CDK5RAP2: variants seen among roughly 807,000 people sequenced by gnomAD.
CDK5RAP2 encodes the protein CDK5 regulatory subunit-associated protein 2.
In CDK5RAP2, 147 loss-of-function variants were observed where a neutral mutation model predicts 232.9. The ratio of observed to expected loss-of-function variants is 0.63; its 90% CI spans 0.55 to 0.72. The LOEUF is 0.72. CDK5RAP2 is among the 30% of genes least tolerant of loss of function. CDK5RAP2 has a pLI of 0.00. For missense variants in CDK5RAP2, 2,195 were observed against 2,231.5 expected (o/e 0.98, Z 0.33); for synonymous variants, 833 against 833.7 (o/e 1.00, Z 0.01).
At chr9:120,557,262 C>T (rs2042263964) in intron 3 of CDK5RAP2, among the ~76,000 whole-genome samples, 1 of 152,190 alleles carries the variant, frequency 6.6e-6, no homozygotes, top group South Asian at 2.1e-4. Flanking sequence ...ATACCACTAC[C>T]AGGCTGGACT....
At chr9:120,460,900 C>T (rs1186351097) in intron 18 of CDK5RAP2, among the ~76,000 whole-genome samples, 1 of 152,184 alleles carries the variant, frequency 6.6e-6, no homozygotes, top group Admixed American at 6.5e-5. Flanking sequence ...GGACAAATTC[C>T]CCAAGAAAAT....
intron 27 of CDK5RAP2, among the ~76,000 whole-genome samples, chr9:120,419,220 G>A (rs1418744453): frequency 6.6e-6 from 1 of 152,154 alleles, no homozygotes; most frequent in Non-Finnish European, 1.5e-5. Context: ...CTAGCCTTTA[G>A]AACTGTAAGA....
intron 1 of CDK5RAP2, among the ~76,000 whole-genome samples, chr9:120,573,565 T>TA (rs547643481): frequency 4.1e-5 from 6 of 146,000 alleles, no homozygotes; most frequent in African/African-American, 7.6e-5. Flanking sequence ...AAAAAAAATT[T>TA]AAAAAAAAAA....
intron 12 of CDK5RAP2, among the ~76,000 whole-genome samples, chr9:120,503,227 T>C (rs951288542): frequency 3.3e-5 from 5 of 152,214 alleles, no homozygotes; most frequent in African/African-American, 7.2e-5. Flanking sequence ...AGGACTTGGA[T>C]TGATGGACTC....
chr9:120,508,868 A>G (rs917153872), intron 12 of CDK5RAP2, among the ~76,000 whole-genome samples: 10 of 152,076 alleles, frequency 6.6e-5, no homozygotes, highest in Non-Finnish European at 1.5e-4. Flanking sequence ...TTGTATTTCT[A>G]TGCTATTTCT....
chr9:120,408,221 C>T, intron 31 of CDK5RAP2, 126 bp downstream of exon 31: 1 of 1,057,566 alleles, frequency 9.5e-7, no homozygotes, highest in Non-Finnish European at 1.5e-6. Flanking sequence ...CTTCAACACC[C>T]ATCCACTCTA....
chr9:120,477,535 C>T (rs566009501), intron 14 of CDK5RAP2, 85 bp from the exon 15 acceptor site: 13 of 1,081,262 alleles, frequency 1.2e-5, no homozygotes, highest in Non-Finnish European at 1.8e-5. Flanking sequence ...TGTAGCTAGT[C>T]CCAGTTTTTA....
chr9:120,437,647 A>G (rs528145930), intron 24 of CDK5RAP2, 120 bp from the exon 25 acceptor site: 38 of 732,840 alleles, frequency 5.2e-5, no homozygotes, highest in Admixed American at 2.5e-4. Context: ...GTACAAGTAT[A>G]TATACTTTTA....
intron 11 of CDK5RAP2, among the ~76,000 whole-genome samples, chr9:120,519,920 A>G (rs1472581223): frequency 6.9e-6 from 1 of 144,048 alleles, no homozygotes; most frequent in Non-Finnish European, 1.5e-5. Context: ...TCATTTGGAG[A>G]AAAAAAAAAA....
At chr9:120,542,031 T>C (rs889728093) in intron 5 of CDK5RAP2, among the ~76,000 whole-genome samples, 1 of 152,216 alleles carries the variant, frequency 6.6e-6, no homozygotes, top group Non-Finnish European at 1.5e-5. Context: ...ATTCTAATTA[T>C]GGTTCTTCAG....
At chr9:120,533,583 CAGG>C (rs2041250626) in intron 7 of CDK5RAP2, among the ~76,000 whole-genome samples, 1 of 151,788 alleles carries the variant, frequency 6.6e-6, no homozygotes, top group Non-Finnish European at 1.5e-5. Flanking sequence ...CACCTGAGGT[CAGG>C]TGTTCAAGAC....
chr9:120,408,956 T>C (rs2033667370), intron 30 of CDK5RAP2, among the ~76,000 whole-genome samples, 171 bp downstream of exon 30: 1 of 152,262 alleles, frequency 6.6e-6, no homozygotes, highest in Non-Finnish European at 1.5e-5. Context: ...CCTCTCCTCC[T>C]TACAGGATCT....
At chr9:120,466,720 T>C (rs1389145736) in intron 18 of CDK5RAP2, among the ~76,000 whole-genome samples, 1 of 152,302 alleles carries the variant, frequency 6.6e-6, no homozygotes, top group East Asian at 1.9e-4. Flanking sequence ...AGATCAATAA[T>C]GTTCCCTCTC....
chr9:120,520,656 A>C (rs2040577740), intron 11 of CDK5RAP2, among the ~76,000 whole-genome samples: 1 of 151,030 alleles, frequency 6.6e-6, no homozygotes, highest in South Asian at 2.1e-4. Context: ...AAATATATAT[A>C]TATCTCTCTC....
intron 3 of CDK5RAP2, among the ~76,000 whole-genome samples, chr9:120,562,464 A>C (rs2042496237): frequency 1.3e-5 from 2 of 152,064 alleles, no homozygotes; most frequent in South Asian, 4.2e-4. Context: ...ACTCAGCAAA[A>C]ACCCCTAGCA....
chr9:120,394,402 G>C (rs919594254), intron 36 of CDK5RAP2, 110 bp downstream of exon 36: 23 of 1,529,406 alleles, frequency 1.5e-5, no homozygotes, highest in Non-Finnish European at 2.0e-5. Context: ...ACAGATAGGA[G>C]GCATGATTAC....
chr9:120,433,521 C>T (rs2035399999), intron 25 of CDK5RAP2, among the ~76,000 whole-genome samples: 1 of 152,184 alleles, frequency 6.6e-6, no homozygotes, highest in Non-Finnish European at 1.5e-5. Context: ...TCCCAAGGTA[C>T]ACAGCTTACG....
chr9:120,441,533 C>T (rs571685729), intron 23 of CDK5RAP2, among the ~76,000 whole-genome samples: 2 of 152,320 alleles, frequency 1.3e-5, no homozygotes, highest in South Asian at 2.1e-4. Context: ...TCACCGGAGG[C>T]GTGCGTGCGA....
At chr9:120,468,612 C>A (rs1274080935) in intron 17 of CDK5RAP2, among the ~76,000 whole-genome samples, 3 of 152,246 alleles carry the variant, frequency 2.0e-5, no homozygotes, top group Non-Finnish European at 4.4e-5. Flanking sequence ...CTCCATTTTA[C>A]AATGAGGACA....
Sources: gnomAD v4.1 joint callset for allele counts (sites outside exome capture counted in the v4.1 genomes callset) on GRCh38, gnomAD v4.1.1 for gene constraint, MANE v1.5 for transcripts, NCBI Gene and HGNC (gene_info 2026-07-23, HGNC 2026-07-21) for gene names.